The following SHANK1 variants were observed in gnomAD, a reference collection of about 807,000 sequenced individuals.
The protein encoded by SHANK1 is SH3 and multiple ankyrin repeat domains 1, also known as SH3 and multiple ankyrin repeat domains protein 1.
Under a neutral mutation model 165.6 loss-of-function variants are expected in SHANK1, and 35 were observed. That is an observed-to-expected ratio of 0.21 (90% CI 0.16 to 0.28). The LOEUF (loss-of-function observed/expected upper bound fraction) is 0.28. Among genes scored for constraint, SHANK1 ranks in the 10% least tolerant of loss-of-function variants. SHANK1 has a pLI of 1.00. For synonymous variants in SHANK1, 1,428 were observed against 1,384.8 expected (o/e 1.03, Z -0.69); for missense variants, 2,681 against 3,036.4 (o/e 0.88, Z 2.75).
chr19:50,704,974 G>C (rs2088920570), intron 8 of SHANK1, among the ~76,000 whole-genome samples: 1 of 152,008 alleles, frequency 6.6e-6, no homozygotes, highest in Non-Finnish European at 1.5e-5. Flanking sequence ...AGGATCGCTT[G>C]AGCTCAGGAG....
In SHANK1 at chr19:50,688,990, CG is replaced by C; in HGVS notation, c.2048-23del. 7.8e-7 allele frequency: 1 copy of C among 1,280,046 alleles called. No individual in the cohort carries two copies. Among genetic ancestry groups the C allele is most frequent in the Middle Eastern group, 2.5e-4 (1 of 3,980 alleles). The allele number at this position is 1,280,046 out of a possible 1,614,324, so 79.3% of individuals were successfully genotyped here. On this transcript the variant is annotated intron_variant, in intron 16 of 23. Transcript: ENST00000293441. This position sits in a 1 kb window ranked among gnomAD's most constrained non-coding sequence, Gnocchi z 6.7. The stretch of plus-strand genomic sequence containing the variant: ...TGCGCTGCAGACAGGGAGGAGCCGG[CG>C]GGGTCGGAGGGGAGGGGGTGGAGAG...
In SHANK1 at chr19:50,690,255, A is replaced by C. The variant is rs193224236; in HGVS notation, c.1965-976T>G. Among the ~76,000 whole-genome samples the C allele has an allele frequency of 6.8e-4, 104 of 152,222 alleles. No individual in the cohort carries two copies. Among genetic ancestry groups the C allele is most frequent in the Admixed American group, 2.4e-3 (36 of 15,288 alleles). ...TAAAGCCATCAAATGCCACCAGCAC[A>C]TTTAGGTAAGGCTCACGTACCCAGG... is the stretch of plus-strand genomic sequence containing the variant. On this transcript the variant is annotated intron_variant, in intron 15 of 23. Transcript: ENST00000293441. This position sits in a 1 kb window ranked among gnomAD's most constrained non-coding sequence, Gnocchi z 4.9.
chr19:50,718,493 G>A lies in SHANK1; in HGVS notation c.-44+913C>T, dbSNP rs1402027547. Among the ~76,000 whole-genome samples the A allele has an allele frequency of 6.6e-6, 1 of 152,082 alleles. No individual in the cohort carries two copies. The highest frequency in any genetic ancestry group is 1.5e-5 in the Non-Finnish European group (1 of 67,962). ...CGGCTGCCCCAGCCCCCCCGGGCCG[G>A]CTCCGGCCCCTCCCCCTCAGGGCTC... On this transcript the variant is annotated intron_variant, in intron 1 of 23. Coordinates refer to ENST00000293441, the MANE Select transcript of SHANK1 (RefSeq NM_016148.5). The surrounding 1 kb of genome is among the most constrained non-coding windows in gnomAD (Gnocchi z 5.1).
intron 15 of SHANK1, among the ~76,000 whole-genome samples, chr19:50,692,568 T>A (rs935373270): frequency 3.3e-5 from 5 of 150,584 alleles, no homozygotes; most frequent in Non-Finnish European, 7.4e-5. Flanking sequence ...CCACCCCCTA[T>A]CCTACACATG....
rs756648557 is a variant in SHANK1 at position 50,702,639 on chromosome 19, T to G, written c.1575A>C (p.Glu525Asp). ...GRPSSSGTPR[E>D]GPAGGTGGSG... is the part of the protein sequence containing the mutation. ...AGCCCCCCGTGCCCCCGGCTGGCCC[T>G]TCCCGGGGTGTCCCGCTGGAGCTGC... is the stretch of plus-strand genomic sequence containing the variant. The change falls in exon 12 of 24, where the codon GAA (glutamate) becomes GAC (aspartate). Residue 525 changes from glutamate to aspartate, a missense_variant. By Grantham distance (45) the Glu-to-Asp change is conservative. This residue lies in a region of SHANK1 where 195 missense variants were observed against 186.2 expected (regional missense o/e 1.05). Transcript: ENST00000293441. This position sits in a 1 kb window ranked among gnomAD's most constrained non-coding sequence, Gnocchi z 5.3. 1 of 1,575,928 alleles carries G rather than the reference T, an allele frequency of 6.3e-7. No homozygotes were observed. The highest frequency in any genetic ancestry group is 8.6e-7 in the Non-Finnish European group (1 of 1,162,292).
Position 50,668,301 on chromosome 19 carries a change from G to A in SHANK1, c.3659C>T (p.Pro1220Leu). The change falls in exon 23 of 24, where the codon CCC becomes CTC. Residue 1220 changes from proline to leucine, a missense_variant. Pro to Leu is a moderately conservative substitution (Grantham distance 98). Around this residue, in one of 10 missense-constraint regions of SHANK1, gnomAD observed 1,713 missense variants for 1,630.2 expected, o/e 1.05. Transcript: ENST00000293441. Reference sequence around the variant, plus strand: ...GAAGTCCAGCGTGGCCGGGCCGCTGGGCGAGGCGGGGGTGGGCACGGGCGA... The same window carrying A: ...GAAGTCCAGCGTGGCCGGGCCGCTGAGCGAGGCGGGGGTGGGCACGGGCGA... Reference protein sequence around the residue: ...SPSPVPTPASPSGPATLDFTS... With the variant: ...SPSPVPTPASLSGPATLDFTS... The A allele has an allele frequency of 7.7e-7, 1 of 1,295,164 alleles. No homozygotes were observed. Among genetic ancestry groups the A allele is most frequent in the Non-Finnish European group, 9.7e-7 (1 of 1,026,522 alleles). The allele number at this position is 1,295,164 out of a possible 1,614,324, so 80.2% of individuals were successfully genotyped here. A position where few individuals can be genotyped will look rare whatever the true frequency, so the allele number is the denominator to read the frequency against.
chr19:50,688,474 G>A lies in SHANK1; in HGVS notation c.2172+370C>T, dbSNP rs1019308053. Among the ~76,000 whole-genome samples the A allele has an allele frequency of 2.6e-5, 4 of 151,988 alleles. No homozygotes were observed. Among genetic ancestry groups the A allele is most frequent in the East Asian group, 1.9e-4 (1 of 5,166 alleles). ...GCTGGGACCTCAGGCACACAGCACC[G>A]GCTAATTTTTTTTTTAAGAGACAGG... On this transcript the variant is annotated intron_variant, in intron 17 of 23. Transcript: ENST00000293441. This position sits in a 1 kb window ranked among gnomAD's most constrained non-coding sequence, Gnocchi z 6.7.
Position 50,662,187 on chromosome 19 carries a change from C to T in SHANK1, c.6264G>A (p.Lys2088=), listed in dbSNP as rs1985260685. 1.2e-6 allele frequency: 2 copies of T among 1,610,026 alleles called. No homozygotes were observed. Residue 2088 remains lysine, a synonymous_variant, in exon 24 of 24, where the codon AAG becomes AAA. Coordinates refer to ENST00000293441, the MANE Select transcript of SHANK1 (RefSeq NM_016148.5). The surrounding 1 kb of genome is among the most constrained non-coding windows in gnomAD (Gnocchi z 7.7). ...PTRLLSLPPD[K]PFGAKPLGFW... ...ACCCCAGAGGTTTAGCGCCAAACGG[C>T]TTGTCCGGGGGCAGCGAGAGCAGGC... is the stretch of plus-strand genomic sequence containing the variant.
intron 21 of SHANK1, 149 bp from the exon 22 acceptor site, chr19:50,672,263 A>C (rs761111520): frequency 1.5e-6 from 1 of 663,668 alleles, no homozygotes; most frequent in Non-Finnish European, 2.6e-6. Context: ...CGGTGGAAGG[A>C]GGCCGGGCAA....
intron 23 of SHANK1, among the ~76,000 whole-genome samples, chr19:50,665,486 G>T (rs1985445005): frequency 7.4e-6 from 1 of 134,966 alleles, no homozygotes; most frequent in African/African-American, 2.9e-5. Flanking sequence ...AGAATCGTTT[G>T]AACCTGGGAG....
At chr19:50,691,941 T>C (rs1986551062) in intron 15 of SHANK1, among the ~76,000 whole-genome samples, 1 of 152,162 alleles carries the variant, frequency 6.6e-6, no homozygotes, top group Admixed American at 6.5e-5. Context: ...CACCTCAGCC[T>C]CCCAAAGTGT....
rs1232905435 is a variant in SHANK1, at chr19:50,718,672, G to C, written c.-44+734C>G. Among the ~76,000 whole-genome samples, 1 of 151,916 alleles carries C rather than the reference G, an allele frequency of 6.6e-6. No homozygotes were observed. Among genetic ancestry groups the C allele is most frequent in the Non-Finnish European group, 1.5e-5 (1 of 67,942 alleles). Reference sequence around the variant, plus strand: ...AGAGGGGGTGCCCTGGGAGGCTGTGGGGGGACAGGGGGCGGCTGGCGTGGC... The same window carrying C: ...AGAGGGGGTGCCCTGGGAGGCTGTGCGGGGACAGGGGGCGGCTGGCGTGGC... On this transcript the variant is annotated intron_variant, in intron 1 of 23. Coordinates refer to ENST00000293441, the MANE Select transcript of SHANK1 (RefSeq NM_016148.5). The surrounding 1 kb of genome is among the most constrained non-coding windows in gnomAD (Gnocchi z 5.1).
In SHANK1 at chr19:50,662,575, G is replaced by C; in HGVS notation, c.5876C>G (p.Ser1959Cys). ...LPPLPTGTGV[S>C]PTAAAAPGAT... is the part of the protein sequence containing the mutation. Reference sequence around the variant, plus strand: ...CCCTGGGGCCGCAGCGGCTGTAGGGGAGACCCCTGTTCCGGTGGGGAGTGG... The same window carrying C: ...CCCTGGGGCCGCAGCGGCTGTAGGGCAGACCCCTGTTCCGGTGGGGAGTGG... Residue 1959 changes from serine to cysteine, a missense_variant, in exon 24 of 24, where the codon TCC becomes TGC. By Grantham distance (112) the Ser-to-Cys change is moderately radical. Around this residue, in one of 10 missense-constraint regions of SHANK1, gnomAD observed 1,713 missense variants for 1,630.2 expected, o/e 1.05. Transcript: ENST00000293441. The surrounding 1 kb of genome is among the most constrained non-coding windows in gnomAD (Gnocchi z 7.7). 1.3e-6 allele frequency: 2 copies of C among 1,564,580 alleles called. No individual in the cohort carries two copies. The highest frequency in any genetic ancestry group is 1.7e-6 in the Non-Finnish European group (2 of 1,154,058).
intron 8 of SHANK1, among the ~76,000 whole-genome samples, chr19:50,708,628 G>A (rs1035916360): frequency 3.3e-5 from 5 of 152,176 alleles, no homozygotes; most frequent in African/African-American, 7.2e-5. Context: ...GTGGGGTTGA[G>A]TCAGTCAAAA....
chr19:50,698,807 TGTGCGCTACCTCTCCATGCAACGGCTTCA>T (rs2123163943), intron 12 of SHANK1, among the ~76,000 whole-genome samples: 1 of 152,322 alleles, frequency 6.6e-6, no homozygotes, highest in Admixed American at 6.5e-5. Context: ...CAGTCACTCA[TGTGCGCTACCTCTCCATGCAACGGCTTCA>T]GTGCATGACA....
Position 50,714,390 on chromosome 19 carries a change from C to T in SHANK1, c.532-100G>A, listed in dbSNP as rs1195422965. The T allele has an allele frequency of 8.4e-6, 8 of 946,938 alleles. No homozygotes were observed. The East Asian group carries it at 2.1e-4, about 25-fold the overall frequency. The allele number at this position is 946,938 out of a possible 1,614,324, so 58.7% of individuals were successfully genotyped here. On this transcript the variant is annotated intron_variant, in intron 4 of 23. Transcript: ENST00000293441. Reference sequence around the variant, plus strand: ...CGTCCAGTGAAAATATACGTGGAGTCACATACGCCATTGAAAAGCTTCTAG... The same window carrying T: ...CGTCCAGTGAAAATATACGTGGAGTTACATACGCCATTGAAAAGCTTCTAG...
chr19:50,699,159 G>C (rs763449665), intron 12 of SHANK1, among the ~76,000 whole-genome samples: 2 of 152,242 alleles, frequency 1.3e-5, no homozygotes, highest in Non-Finnish European at 2.9e-5. Flanking sequence ...AAGAGAGCAG[G>C]AGATGGGTTG....
chr19:50,700,725 T>C (rs1599864343), intron 12 of SHANK1, among the ~76,000 whole-genome samples: 1 of 151,972 alleles, frequency 6.6e-6, no homozygotes, highest in Non-Finnish European at 1.5e-5. Flanking sequence ...GCATTGAGCT[T>C]GTAGCTCAGC....
At chr19:50,665,657 A>C (rs1985460326) in intron 23 of SHANK1, among the ~76,000 whole-genome samples, 1 of 146,428 alleles carries the variant, frequency 6.8e-6, no homozygotes, top group Non-Finnish European at 1.5e-5. Flanking sequence ...GGATTGCTTG[A>C]GCCCAGGAGT....
Sources: allele counts gnomAD v4.1 joint callset (sites outside exome capture counted in the v4.1 genomes callset), GRCh38; gene constraint gnomAD v4.1.1; regional missense constraint gnomAD v4.1.1; non-coding constraint Gnocchi (gnomAD v3.1); transcripts MANE v1.5; gene names NCBI Gene and HGNC (gene_info 2026-07-23, HGNC 2026-07-21).